Variants in SETD2 observed in about 807,000 individuals in gnomAD.
SETD2 encodes SET domain containing 2, histone lysine methyltransferase, also known as histone-lysine N-methyltransferase SETD2.
In SETD2, 31 loss-of-function variants were observed where a neutral mutation model predicts 242.1. The observed-to-expected ratio is 0.13, with a 90% CI of 0.10 to 0.17. The LOEUF (loss-of-function observed/expected upper bound fraction) is 0.17. SETD2 is among the 10% of genes least tolerant of loss of function. SETD2 has a pLI of 1.00. For missense variants in SETD2, 2,481 were observed against 3,046.3 expected, an observed-to-expected ratio of 0.81 and a Z score of 4.37; for synonymous variants, 1,006 against 1,066.5, an observed-to-expected ratio of 0.94 and a Z score of 1.11.
chr3:47,049,953 T>C (rs2039748691), intron 15 of SETD2, among the ~76,000 whole-genome samples: 1 of 146,772 alleles, frequency 6.8e-6, no homozygotes, highest in Admixed American at 6.9e-5. Context: ...AGTTTATATA[T>C]TTGTACATAT....
chr3:47,113,737 G>GC (rs2042745975), intron 5 of SETD2, 139 bp downstream of exon 5: 1 of 700,548 alleles, frequency 1.4e-6, no homozygotes, highest in Non-Finnish European at 2.2e-6. Context: ...TACTTGAGAG[G>GC]CTAAGGCAGG....
At chr3:47,159,828 A>G (rs1001274300) in intron 1 of SETD2, among the ~76,000 whole-genome samples, 2 of 152,136 alleles carry the variant, frequency 1.3e-5, no homozygotes, top group Admixed American at 1.3e-4. Context: ...CACAAAAATT[A>G]GCCAGGCACA....
intron 11 of SETD2, among the ~76,000 whole-genome samples, chr3:47,085,544 A>G (rs1026929197): frequency 6.6e-6 from 1 of 152,188 alleles, no homozygotes; most frequent in South Asian, 2.1e-4. Flanking sequence ...GGCTTCCTCA[A>G]TTTCCTCAAG....
intron 18 of SETD2, among the ~76,000 whole-genome samples, chr3:47,033,651 G>A (rs1236017604): frequency 1.3e-5 from 1 of 78,614 alleles, no homozygotes; most frequent in Non-Finnish European, 2.7e-5. Context: ...GTCATGGTTT[G>A]ATTTTTTTTT....
chr3:47,085,135 G>A, intron 11 of SETD2, among the ~76,000 whole-genome samples: 1 of 152,064 alleles, frequency 6.6e-6, no homozygotes, highest in East Asian at 1.9e-4. Context: ...GTAAACACAA[G>A]CATATTTAAA....
Position 47,122,595 on chromosome 3 carries a change from A to G in SETD2, c.2041T>C (p.Ser681Pro). 1 of 1,614,134 alleles carries G rather than the reference A, an allele frequency of 6.2e-7. No homozygotes were observed. Among genetic ancestry groups the G allele is most frequent in the Non-Finnish European group, 8.5e-7 (1 of 1,180,012 alleles). Residue 681 changes from serine to proline, a missense_variant, in exon 3 of 21, where the codon TCT becomes CCT. Physicochemically the swap from Ser to Pro is moderately conservative, Grantham distance 74. Transcript: ENST00000409792. ...GAAGTGCAAAATGTTGCCAAATCAG[A>G]TTCTGCCCCAGGAGATCCATTTATA... ...LNINGSPGAE[S>P]DLATFCTSKT...
In SETD2 at chr3:47,145,374, T is replaced by A. The variant is rs150821703; in HGVS notation, c.71+18480A>T. The A allele has an allele frequency of 5.8e-4, 122 of 210,408 alleles. 1 individual carries two copies. The highest frequency in any genetic ancestry group is 2.6e-3 in the African/African-American group (117 of 44,424). The allele number at this position is 210,408 out of a possible 1,614,324, so 13.0% of individuals were successfully genotyped here. On this transcript the variant is annotated intron_variant, in intron 1 of 20. Coordinates refer to ENST00000409792, the MANE Select transcript of SETD2 (RefSeq NM_014159.7). ...AATAATTTTGGGACATGGAATAAAC[T>A]GTGTTGTATGCCTGTGTTTTGTTTT...
chr3:47,159,154 C>G (rs1421980761), intron 1 of SETD2, among the ~76,000 whole-genome samples: 1 of 152,170 alleles, frequency 6.6e-6, no homozygotes, highest in Non-Finnish European at 1.5e-5. Flanking sequence ...TCTCTTTCTA[C>G]CAAGGATTCT....
chr3:47,022,627 T>C (rs1038796059), intron 18 of SETD2, among the ~76,000 whole-genome samples: 1 of 152,216 alleles, frequency 6.6e-6, no homozygotes, highest in Non-Finnish European at 1.5e-5. Flanking sequence ...TTTCTCTGTG[T>C]TGGCTTATAT....
At chr3:47,135,762 T>C (rs750167311) in intron 1 of SETD2, among the ~76,000 whole-genome samples, 13 of 152,208 alleles carry the variant, frequency 8.5e-5, no homozygotes, top group Non-Finnish European at 1.8e-4. Context: ...CCACTCTCAA[T>C]TGACGATCCC....
Position 47,067,406 on chromosome 3 carries a change from C to CTT in SETD2, c.6061-290_6061-289dup, listed in dbSNP as rs548953692. Among the ~76,000 whole-genome samples, 413 of 83,910 alleles carry CTT rather than the reference C, an allele frequency of 4.9e-3. 37 individuals are homozygous for CTT. The highest frequency in any genetic ancestry group is 0.019 in the African/African-American group (370 of 19,176). The allele number at this position is 83,910 out of a possible 152,430, so 55.0% of individuals were successfully genotyped here. ...GGGCAAGGATACGCTTCCTGAGCATCTTTTTTTTTTTTTTTTTTTTTTTTT... is the reference window on the plus strand; with the variant it reads ...GGGCAAGGATACGCTTCCTGAGCATCTTTTTTTTTTTTTTTTTTTTTTTTTTT... On this transcript the variant is annotated intron_variant, in intron 12 of 20. Transcript: ENST00000409792.
At chr3:47,140,850 G>A (rs984388673) in intron 1 of SETD2, among the ~76,000 whole-genome samples, 2 of 152,068 alleles carry the variant, frequency 1.3e-5, no homozygotes, top group African/African-American at 2.4e-5. Context: ...GTGACACAGC[G>A]AGACTCTGTC....
chr3:47,051,570 C>T (rs966588448), intron 15 of SETD2, among the ~76,000 whole-genome samples: 8 of 152,168 alleles, frequency 5.3e-5, no homozygotes, highest in Admixed American at 3.9e-4. Flanking sequence ...CCCTAAGACC[C>T]TATTGTAACT....
At chr3:47,045,837 G>A (rs60081701) in intron 16 of SETD2, among the ~76,000 whole-genome samples, 2 of 145,718 alleles carry the variant, frequency 1.4e-5, no homozygotes, top group African/African-American at 5.1e-5. Flanking sequence ...GTGCAGTGGC[G>A]CGATCTTAGC....
intron 1 of SETD2, among the ~76,000 whole-genome samples, chr3:47,136,742 T>C (rs1327479437): frequency 6.6e-6 from 1 of 152,112 alleles, no homozygotes; most frequent in African/African-American, 2.4e-5. Flanking sequence ...TCACCTGAGG[T>C]CAGGAGTTCC....
At chr3:47,078,379 G>A (rs2041182447) in intron 12 of SETD2, among the ~76,000 whole-genome samples, 1 of 151,992 alleles carries the variant, frequency 6.6e-6, no homozygotes, top group Non-Finnish European at 1.5e-5. Flanking sequence ...CAACTGCGGG[G>A]TATTCTACAA....
At chr3:47,153,629 T>C (rs937970461) in intron 1 of SETD2, among the ~76,000 whole-genome samples, 31 of 152,128 alleles carry the variant, frequency 2.0e-4, no homozygotes, top group African/African-American at 7.2e-4. Context: ...GGCGCATGCC[T>C]GTTGTCCCAG....
intron 1 of SETD2, among the ~76,000 whole-genome samples, chr3:47,151,594 A>G (rs776814015): frequency 2.6e-5 from 4 of 152,084 alleles, no homozygotes; most frequent in African/African-American, 9.7e-5. Flanking sequence ...TGGGGAGGCC[A>G]AGGCGGGTGG....
chr3:47,080,325 G>A (rs2041268162), intron 12 of SETD2, among the ~76,000 whole-genome samples: 1 of 151,930 alleles, frequency 6.6e-6, no homozygotes, highest in Non-Finnish European at 1.5e-5. Flanking sequence ...AGATGCAAAT[G>A]GAAATACCCA....
Sources: gnomAD v4.1 joint callset for allele counts (sites outside exome capture counted in the v4.1 genomes callset) on GRCh38, gnomAD v4.1.1 for gene constraint, MANE v1.5 for transcripts, NCBI Gene and HGNC (gene_info 2026-07-23, HGNC 2026-07-21) for gene names.